Variants in SYT11 observed in about 807,000 individuals in gnomAD.
SYT11 encodes the protein synaptotagmin 11.
A neutral mutation model predicts 30.4 loss-of-function variants in SYT11; 12 were observed. That is an observed-to-expected ratio of 0.39 (90% CI 0.25 to 0.64). The LOEUF (loss-of-function observed/expected upper bound fraction) is 0.64, where lower values mean the gene tolerates loss of function less well. Ranked by LOEUF, SYT11 falls within the 30% of genes least tolerant of loss-of-function variation. SYT11 has a pLI of 0.45. For synonymous variants in SYT11, 204 were observed against 216.0 expected (o/e 0.94, Z 0.49); for missense variants, 412 against 552.0 (o/e 0.75, Z 2.54).
intron 2 of SYT11, among the ~76,000 whole-genome samples, chr1:155,876,165 G>A (rs1341184004): frequency 6.6e-6 from 1 of 151,618 alleles, no homozygotes; most frequent in Non-Finnish European, 1.5e-5. Context: ...AGGAATAAGG[G>A]TGATTGTGGG....
chr1:155,859,665 C>T lies in SYT11; in HGVS notation c.-97C>T. The T allele has an allele frequency of 8.2e-7, 1 of 1,221,796 alleles. No individual in the cohort carries two copies. The highest frequency in any genetic ancestry group is 1.2e-6 in the Non-Finnish European group (1 of 823,756). The allele number at this position is 1,221,796 out of a possible 1,614,324, so 75.7% of individuals were successfully genotyped here. A position where few individuals can be genotyped will look rare whatever the true frequency, so the allele number is the denominator to read the frequency against. ...GCTGGATACCTTCCCCCTTCCCTGA[C>T]CTAGAGCTCTACAGCTGCTGCCTCG... On this transcript the variant is annotated 5_prime_UTR_variant, in exon 1 of 4. Coordinates refer to ENST00000368324, the MANE Select transcript of SYT11 (RefSeq NM_152280.5).
At position 155,868,023 on chromosome 1, in the gene SYT11, G is replaced by A. The variant is rs775166423; in HGVS notation, c.93G>A (p.Ser31=). ...CCTCTGTGCTGGTGGTGTGTGTCTC[G>A]GTGACCGTCTTTGTCTGGTCATGCT... ...IGASVLVVCV[S]VTVFVWSCCH... The change falls in exon 2 of 4, where the codon TCG becomes TCA. Residue 31 remains serine (S), a synonymous_variant. Coordinates refer to ENST00000368324, the MANE Select transcript of SYT11 (RefSeq NM_152280.5). This position sits in a 1 kb window ranked among gnomAD's most constrained non-coding sequence, Gnocchi z 4.7. The A allele has an allele frequency of 8.7e-6, 14 of 1,613,230 alleles. No individual in the cohort carries two copies. The highest frequency in any genetic ancestry group is 2.2e-5 in the East Asian group (1 of 44,886).
chr1:155,861,003 C>T (rs2102551967), intron 1 of SYT11, among the ~76,000 whole-genome samples: 1 of 152,248 alleles, frequency 6.6e-6, no homozygotes, highest in East Asian at 1.9e-4. Context: ...TAGGTTTGAG[C>T]ATCGGGACTC....
chr1:155,866,637 G>A (rs1466371314), intron 1 of SYT11, among the ~76,000 whole-genome samples: 1 of 151,966 alleles, frequency 6.6e-6, no homozygotes, highest in African/African-American at 2.4e-5. Flanking sequence ...ATGTGTAGGG[G>A]TGTGTGTATC....
intron 2 of SYT11, among the ~76,000 whole-genome samples, chr1:155,878,690 C>G (rs1436328372): frequency 6.6e-6 from 1 of 151,666 alleles, no homozygotes; most frequent in Non-Finnish European, 1.5e-5. Context: ...ATGGTGAAGC[C>G]CCGTCTCTAC....
intron 1 of SYT11, among the ~76,000 whole-genome samples, chr1:155,865,557 G>A (rs1273248582): frequency 6.6e-6 from 1 of 151,962 alleles, no homozygotes; most frequent in African/African-American, 2.4e-5. Flanking sequence ...GAACTCTGGA[G>A]GCGGAGGTTG....
In SYT11 at chr1:155,868,881, G is replaced by T; in HGVS notation, c.861+90G>T. 1.5e-6 allele frequency: 2 copies of T among 1,308,720 alleles called. No homozygotes were observed. Among genetic ancestry groups the T allele is most frequent in the Non-Finnish European group, 2.1e-6 (2 of 954,770 alleles). The allele number at this position is 1,308,720 out of a possible 1,614,324, so 81.1% of individuals were successfully genotyped here. Reference sequence around the variant, plus strand: ...ATGGAAGTGGGAGGGGAGTGGGTTGGGTGGCAAAGAAGGGCTGTAGAGAGG... The same window carrying T: ...ATGGAAGTGGGAGGGGAGTGGGTTGTGTGGCAAAGAAGGGCTGTAGAGAGG... On this transcript the variant is annotated intron_variant, in intron 2 of 3. Coordinates refer to ENST00000368324, the MANE Select transcript of SYT11 (RefSeq NM_152280.5). The surrounding 1 kb of genome is among the most constrained non-coding windows in gnomAD (Gnocchi z 4.7).
At position 155,868,603 on chromosome 1, in the gene SYT11, G is replaced by T; in HGVS notation, c.673G>T (p.Glu225Ter). ...GAAGACCCTGGACCCTGTGTTTGAC[G>T]AGACCTTCACCTTCTATGGCATCCC... ...LRKTLDPVFD[E>*]TFTFYGIPYS... is the part of the protein sequence containing the mutation. The change falls in exon 2 of 4, where the codon GAG becomes TAG. Residue 225 changes from glutamate (E) to a stop codon, truncating the protein, a stop_gained. Coordinates refer to ENST00000368324, the MANE Select transcript of SYT11 (RefSeq NM_152280.5). LOFTEE classifies it high-confidence loss of function. The surrounding 1 kb of genome is among the most constrained non-coding windows in gnomAD (Gnocchi z 4.7). 6.2e-7 allele frequency: 1 copy of T among 1,614,102 alleles called. No individual in the cohort carries two copies. Among genetic ancestry groups the T allele is most frequent in the Non-Finnish European group, 8.5e-7 (1 of 1,180,026 alleles).
rs1172131500 is a variant in SYT11 at position 155,884,231 on chromosome 1, T to C, written c.*2723T>C. On this transcript the variant is annotated 3_prime_UTR_variant, in exon 4 of 4. Transcript: ENST00000368324. ...AGATAGTCTGGTCTTTGCCCTGCTG[T>C]GTGTGCCTCTGTAGCTCCTCCTGAC... 6.5e-6 allele frequency: 1 copy of C among 152,774 alleles called. No individual in the cohort carries two copies. The highest frequency in any genetic ancestry group is 1.5e-5 in the Non-Finnish European group (1 of 68,066). 9.5% of individuals were successfully genotyped at this position (152,774 alleles called of 1,614,324 possible).
rs1204933970 is a variant in SYT11, at chr1:155,868,494, T to C, written c.564T>C (p.Asp188=). The C allele has an allele frequency of 1.9e-6, 3 of 1,614,022 alleles. No individual in the cohort carries two copies. The highest frequency in any genetic ancestry group is 1.3e-5 in the African/African-American group (1 of 74,912). ...AGGCCCATGGGCTGCCAGTGATGGATGACCAGACCCAGGGATCTGACCCCT... is the reference window on the plus strand; with the variant it reads ...AGGCCCATGGGCTGCCAGTGATGGACGACCAGACCCAGGGATCTGACCCCT... ...IQEAHGLPVM[D]DQTQGSDPYI... The change falls in exon 2 of 4, where the codon GAT becomes GAC. Residue 188 remains aspartate, a synonymous_variant. Transcript: ENST00000368324. This position sits in a 1 kb window ranked among gnomAD's most constrained non-coding sequence, Gnocchi z 4.7.
intron 3 of SYT11, 144 bp downstream of exon 3, chr1:155,880,767 T>A: frequency 1.0e-6 from 1 of 1,004,002 alleles, no homozygotes; most frequent in Non-Finnish European, 1.5e-6. Flanking sequence ...CTCTTCCTGA[T>A]GAGTATCTAC....
chr1:155,883,815 C>G lies in SYT11; in HGVS notation c.*2307C>G, dbSNP rs183411012. The G allele has an allele frequency of 6.6e-6, 1 of 152,330 alleles. No individual in the cohort carries two copies. Among genetic ancestry groups the G allele is most frequent in the East Asian group, 1.9e-4 (1 of 5,316 alleles). 9.4% of individuals were successfully genotyped at this position (152,330 alleles called of 1,614,324 possible). ...GTGGATTTAAAACCATTCTGCTCCC[C>G]CTAAACCTTTTGTTTGATTTCAGCC... is the stretch of plus-strand genomic sequence containing the variant. On this transcript the variant is annotated 3_prime_UTR_variant, in exon 4 of 4. Coordinates refer to ENST00000368324, the MANE Select transcript of SYT11 (RefSeq NM_152280.5).
At chr1:155,866,116 C>CTTTT (rs11419325) in intron 1 of SYT11, among the ~76,000 whole-genome samples, 1 of 123,276 alleles carries the variant, frequency 8.1e-6, no homozygotes, top group Admixed American at 9.6e-5. Context: ...TTTTTTTTTT[C>CTTTT]TTTTTTTTTT....
In SYT11 at chr1:155,868,053, C is replaced by G. The variant is rs748423542; in HGVS notation, c.123C>G (p.His41Gln). 11 of 1,613,874 alleles carry G rather than the reference C, an allele frequency of 6.8e-6. No homozygotes were observed. The highest frequency in any genetic ancestry group is 8.5e-6 in the Non-Finnish European group (10 of 1,179,952). ...SVTVFVWSCCHQQAEKKQKNP... is the reference protein window; with the variant it reads ...SVTVFVWSCCQQQAEKKQKNP... ...CCGTCTTTGTCTGGTCATGCTGCCA[C>G]CAGCAGGCAGAGAAGAAGCAGAAGA... Residue 41 changes from histidine (H) to glutamine (Q), a missense_variant, in exon 2 of 4, where the codon CAC becomes CAG. By Grantham distance (24) the His-to-Gln change is conservative. Coordinates refer to ENST00000368324, the MANE Select transcript of SYT11 (RefSeq NM_152280.5). This position sits in a 1 kb window ranked among gnomAD's most constrained non-coding sequence, Gnocchi z 4.7.
intron 1 of SYT11, among the ~76,000 whole-genome samples, chr1:155,866,261 T>C (rs1672673948): frequency 6.6e-6 from 1 of 152,048 alleles, no homozygotes. Flanking sequence ...TACAGGTGTG[T>C]GTCACCACAC....
intron 2 of SYT11, among the ~76,000 whole-genome samples, chr1:155,872,893 G>A (rs1672801888): frequency 6.6e-6 from 1 of 152,142 alleles, no homozygotes; most frequent in Non-Finnish European, 1.5e-5. Context: ...GGCACAAGGT[G>A]AAGGAGGGAT....
At chr1:155,879,605 AC>A (rs1402321860) in intron 2 of SYT11, among the ~76,000 whole-genome samples, 1 of 152,180 alleles carries the variant, frequency 6.6e-6, no homozygotes, top group African/African-American at 2.4e-5. Context: ...AAATGCAGGG[AC>A]AGGTTCAGGG....
rs1218528543 is a variant in SYT11, at chr1:155,881,313, C to A, written c.1101C>A (p.Ile367=). The stretch of plus-strand genomic sequence containing the variant: ...TCAATGAATCTTTCATCTACGACAT[C>A]CCCACTGACCTCCTGCCTGATATCA... ...PIFNESFIYD[I]PTDLLPDISI... is the part of the protein sequence containing the mutation. The change falls in exon 4 of 4, where the codon ATC becomes ATA. Residue 367 remains isoleucine, a synonymous_variant. Coordinates refer to ENST00000368324, the MANE Select transcript of SYT11 (RefSeq NM_152280.5). 1 of 1,614,194 alleles carries A rather than the reference C, an allele frequency of 6.2e-7. No individual in the cohort carries two copies. The highest frequency in any genetic ancestry group is 1.3e-5 in the African/African-American group (1 of 75,042).
At position 155,860,042 on chromosome 1, in the gene SYT11, C is replaced by T. The variant is rs926348577; in HGVS notation, c.34+247C>T. On this transcript the variant is annotated intron_variant, in intron 1 of 3. Transcript: ENST00000368324. This position sits in a 1 kb window ranked among gnomAD's most constrained non-coding sequence, Gnocchi z 4.1. ...GGTGGGGAAGTCCAGGATGCTAAAA[C>T]CTTGTATGGTGCACTGTCAGCACTG... Among the ~76,000 whole-genome samples, 21 of 152,342 alleles carry T rather than the reference C, an allele frequency of 1.4e-4. No homozygotes were observed. The highest frequency in any genetic ancestry group is 2.5e-4 in the Non-Finnish European group (17 of 68,030).
Sources: allele counts gnomAD v4.1 joint callset (sites outside exome capture counted in the v4.1 genomes callset), GRCh38; gene constraint gnomAD v4.1.1; non-coding constraint Gnocchi (gnomAD v3.1); transcripts MANE v1.5; gene names NCBI Gene and HGNC (gene_info 2026-07-23, HGNC 2026-07-21).